Variants in DLGAP2 observed in about 807,000 individuals in gnomAD.
The protein encoded by DLGAP2 is disks large-associated protein 2.
A neutral mutation model predicts 100.3 loss-of-function variants in DLGAP2; 26 were observed. The ratio of observed to expected loss-of-function variants is 0.26; its 90% CI spans 0.19 to 0.36. The LOEUF (loss-of-function observed/expected upper bound fraction) is 0.36, where lower values mean the gene tolerates loss of function less well. Among genes scored for constraint, DLGAP2 ranks in the 10% least tolerant of loss-of-function variants. The pLI is 1.00. For synonymous variants in DLGAP2, 886 were observed against 630.1 expected, an observed-to-expected ratio of 1.41 and a Z score of -6.08; for missense variants, 1,858 against 1,453.2, an observed-to-expected ratio of 1.28 and a Z score of -4.53.
At chr8:1,646,692 C>G (rs1798047508) in intron 8 of DLGAP2, among the ~76,000 whole-genome samples, 1 of 152,294 alleles carries the variant, frequency 6.6e-6, no homozygotes, top group African/African-American at 2.4e-5. Context: ...GTCTCAGTGT[C>G]AATGTGCTGT....
intron 6 of DLGAP2, among the ~76,000 whole-genome samples, chr8:1,598,098 C>G (rs779174657): frequency 1.3e-4 from 20 of 152,166 alleles, no homozygotes; most frequent in Non-Finnish European, 2.6e-4. Flanking sequence ...TATTGCAGGC[C>G]TTCTCTACAT....
intron 3 of DLGAP2, among the ~76,000 whole-genome samples, chr8:1,445,775 T>G (rs1309810125): frequency 3.9e-5 from 6 of 152,158 alleles, no homozygotes; most frequent in Admixed American, 2.0e-4. Context: ...TTTTAATGAT[T>G]GCCATTCTAA....
At chr8:1,431,547 C>A (rs548162553) in intron 3 of DLGAP2, among the ~76,000 whole-genome samples, 1 of 152,328 alleles carries the variant, frequency 6.6e-6, no homozygotes, top group African/African-American at 2.4e-5. Context: ...CGCTCAGCAG[C>A]CGTTCATGCA....
chr8:1,703,611 G>C lies in DLGAP2; in HGVS notation c.*2205G>C, dbSNP rs998863069. 6.6e-5 allele frequency: 10 copies of C among 152,256 alleles called. No homozygotes were observed. The South Asian group carries it at 1.5e-3, about 22-fold the overall frequency. 9.4% of individuals were successfully genotyped at this position (152,256 alleles called of 1,614,324 possible). On this transcript the variant is annotated 3_prime_UTR_variant, in exon 15 of 15. Coordinates refer to ENST00000637795, the MANE Select transcript of DLGAP2 (RefSeq NM_001346810.2). Reference sequence around the variant, plus strand: ...AAAGGCCCGCCACCTCCTCACATTGGTCTATCTACTGGCAGCTGATACGTT... The same window carrying C: ...AAAGGCCCGCCACCTCCTCACATTGCTCTATCTACTGGCAGCTGATACGTT...
chr8:906,994 C>G (rs1277088279), intron 1 of DLGAP2, among the ~76,000 whole-genome samples: 1 of 152,086 alleles, frequency 6.6e-6, no homozygotes, highest in Non-Finnish European at 1.5e-5. Flanking sequence ...AGTGGTTATT[C>G]CAGATCATCT....
intron 1 of DLGAP2, among the ~76,000 whole-genome samples, chr8:820,884 G>T (rs898754451): frequency 6.6e-6 from 1 of 152,200 alleles, no homozygotes; most frequent in Non-Finnish European, 1.5e-5. Context: ...AGTTCTGTCT[G>T]TACCGATATG....
intron 2 of DLGAP2, among the ~76,000 whole-genome samples, chr8:970,189 A>T (rs1378819586): frequency 6.6e-6 from 1 of 152,188 alleles, no homozygotes; most frequent in Non-Finnish European, 1.5e-5. Flanking sequence ...TCAGATAGTG[A>T]TCAAGCTTTT....
intron 1 of DLGAP2, among the ~76,000 whole-genome samples, chr8:788,840 T>C (rs1347331231): frequency 6.6e-6 from 1 of 152,254 alleles, no homozygotes; most frequent in Non-Finnish European, 1.5e-5. Context: ...TTTGTGACTT[T>C]TTCCCATGGG....
chr8:1,151,621 C>T (rs997924363), intron 2 of DLGAP2, among the ~76,000 whole-genome samples: 8 of 152,134 alleles, frequency 5.3e-5, no homozygotes, highest in African/African-American at 1.9e-4. Context: ...AGTGCACTGG[C>T]TTTAGGTAGA....
At chr8:1,212,834 A>G (rs774056385) in intron 2 of DLGAP2, among the ~76,000 whole-genome samples, 2 of 134,824 alleles carry the variant, frequency 1.5e-5, no homozygotes, top group African/African-American at 2.8e-5. Context: ...CTGAATAAGA[A>G]TGACATGTAT....
intron 8 of DLGAP2, among the ~76,000 whole-genome samples, chr8:1,664,363 C>T (rs571236520): frequency 3.3e-5 from 5 of 152,272 alleles, no homozygotes; most frequent in East Asian, 3.9e-4. Context: ...TCTCAAGGCA[C>T]GGCCAGGCTC....
At chr8:1,306,640 C>G (rs938950819) in intron 3 of DLGAP2, among the ~76,000 whole-genome samples, 2 of 148,108 alleles carry the variant, frequency 1.4e-5, no homozygotes, top group East Asian at 3.9e-4. Flanking sequence ...GATTTCAAAA[C>G]TTACTACAGA....
intron 3 of DLGAP2, among the ~76,000 whole-genome samples, chr8:1,269,899 A>T (rs1041171857): frequency 4.6e-5 from 7 of 152,184 alleles, no homozygotes; most frequent in Non-Finnish European, 8.8e-5. Flanking sequence ...TTCTAAAATA[A>T]ATTGAACTAA....
rs1020533421 is a variant in DLGAP2, at chr8:1,353,477, G to A, written c.106+94594G>A. 5.3e-5 allele frequency among the ~76,000 whole-genome samples: 8 copies of A among 152,144 alleles called. No individual in the cohort carries two copies. In the South Asian group the frequency reaches 6.2e-4, roughly 12 times the overall value. ...GCTTTGTGCCGGATGATCTTGCCCC[G>A]CTGCAGGCTCATCTAAGTGTTCTGA... On this transcript the variant is annotated intron_variant, in intron 3 of 14. Transcript: ENST00000637795.
At chr8:1,593,536 A>G (rs139914327) in intron 6 of DLGAP2, among the ~76,000 whole-genome samples, 86 of 152,324 alleles carry the variant, frequency 5.6e-4, no homozygotes, top group Middle Eastern at 3.4e-3. Flanking sequence ...TTGGGAAAAT[A>G]CAAAACCAGA....
intron 1 of DLGAP2, among the ~76,000 whole-genome samples, chr8:844,903 GACATTTCGTGTAA>G (rs1327867825): frequency 4.6e-5 from 7 of 152,072 alleles, no homozygotes; most frequent in Non-Finnish European, 1.0e-4. Flanking sequence ...CCATGCTCTG[GACATTTCGTGTAA>G]ACAGAATCAT....
chr8:771,502 C>A (rs981517353), intron 1 of DLGAP2, among the ~76,000 whole-genome samples: 1 of 152,234 alleles, frequency 6.6e-6, no homozygotes, highest in Non-Finnish European at 1.5e-5. Flanking sequence ...CTAGCTCTGT[C>A]ACTAAGTACT....
intron 2 of DLGAP2, among the ~76,000 whole-genome samples, chr8:974,160 C>T (rs1456719143): frequency 6.6e-6 from 1 of 152,082 alleles, no homozygotes; most frequent in African/African-American, 2.4e-5. Flanking sequence ...AAACCATATC[C>T]AGGAAGCTAA....
intron 2 of DLGAP2, among the ~76,000 whole-genome samples, chr8:962,649 G>C (rs1038144730): frequency 6.6e-6 from 1 of 152,090 alleles, no homozygotes; most frequent in African/African-American, 2.4e-5. Context: ...ACAAAATGGA[G>C]AGGCTCCGCT....
Sources: allele counts gnomAD v4.1 joint callset (sites outside exome capture counted in the v4.1 genomes callset), GRCh38; gene constraint gnomAD v4.1.1; transcripts MANE v1.5; gene names NCBI Gene and HGNC (gene_info 2026-07-23, HGNC 2026-07-21).